DCDC1: variants seen among roughly 807,000 people sequenced by gnomAD.
DCDC1 encodes the protein doublecortin domain-containing protein 1.
In DCDC1, 200 loss-of-function variants were observed where a neutral mutation model predicts 178.3. The ratio of observed to expected loss-of-function variants is 1.12; its 90% CI spans 1.00 to 1.26. The LOEUF (loss-of-function observed/expected upper bound fraction) is 1.26, where lower values mean the gene tolerates loss of function less well. DCDC1 is among the 50% of genes most tolerant of loss of function. DCDC1 has a pLI of 0.00. For missense variants in DCDC1, 1,983 were observed against 1,749.2 expected (o/e 1.13, Z -2.38); for synonymous variants, 690 against 604.8 (o/e 1.14, Z -2.07).
At chr11:31,121,478 G>C (rs958554680) in intron 11 of DCDC1, among the ~76,000 whole-genome samples, 1 of 148,552 alleles carries the variant, frequency 6.7e-6, no homozygotes, top group African/African-American at 2.5e-5. Context: ...TTGCAAAAAT[G>C]GGAGTGAGGC....
chr11:31,176,268 T>C (rs1315812470), intron 9 of DCDC1, among the ~76,000 whole-genome samples: 1 of 152,092 alleles, frequency 6.6e-6, no homozygotes, highest in Non-Finnish European at 1.5e-5. Context: ...ATGATATAAT[T>C]GAGAGTTTCA....
chr11:30,900,217 C>A (rs1445228947), intron 33 of DCDC1, 129 bp downstream of exon 33: 5 of 881,462 alleles, frequency 5.7e-6, no homozygotes, highest in Non-Finnish European at 7.8e-6. Context: ...ACCTTCTGTT[C>A]TTTGTATAAA....
intron 8 of DCDC1, chr11:31,262,846 T>C: frequency 2.2e-6 from 1 of 450,784 alleles, no homozygotes; most frequent in South Asian, 6.2e-5. Context: ...CCAACAGGAT[T>C]AGCTTCTTTA....
At chr11:30,938,412 A>G (rs1034938010) in intron 21 of DCDC1, among the ~76,000 whole-genome samples, 1 of 152,130 alleles carries the variant, frequency 6.6e-6, no homozygotes, top group African/African-American at 2.4e-5. Context: ...CAGCTCTCAC[A>G]CACAGTTGTG....
At chr11:31,156,839 G>T (rs1290537930) in intron 9 of DCDC1, among the ~76,000 whole-genome samples, 1 of 152,186 alleles carries the variant, frequency 6.6e-6, no homozygotes, top group African/African-American at 2.4e-5. Context: ...GAACCAATGT[G>T]TTGCCAGATG....
intron 9 of DCDC1, chr11:31,155,833 T>C (rs1965668298): frequency 6.6e-6 from 1 of 152,184 alleles, no homozygotes; most frequent in South Asian, 2.1e-4. Flanking sequence ...GAGGAGACAT[T>C]AGAGTCACCT....
At chr11:31,240,523 A>C (rs1976986919) in intron 9 of DCDC1, among the ~76,000 whole-genome samples, 1 of 152,008 alleles carries the variant, frequency 6.6e-6, no homozygotes, top group Non-Finnish European at 1.5e-5. Context: ...TGTGAACACT[A>C]AGACTGATAG....
chr11:30,957,086 T>C (rs923301996), intron 20 of DCDC1, among the ~76,000 whole-genome samples: 1 of 152,174 alleles, frequency 6.6e-6, no homozygotes, highest in Non-Finnish European at 1.5e-5. Context: ...CCCTCCACTA[T>C]AGCGGAGCTG....
intron 9 of DCDC1, among the ~76,000 whole-genome samples, chr11:31,194,191 T>C (rs1258285555): frequency 6.6e-6 from 1 of 152,138 alleles, no homozygotes; most frequent in African/African-American, 2.4e-5. Flanking sequence ...AAGCCCTTGC[T>C]TCTGATTCAG....
chr11:31,290,914 A>T, intron 6 of DCDC1, 62 bp from the exon 7 acceptor site: 1 of 1,444,542 alleles, frequency 6.9e-7, no homozygotes. Context: ...TGGACACATC[A>T]TACTTCCCTC....
intron 9 of DCDC1, among the ~76,000 whole-genome samples, chr11:31,158,852 T>C (rs1384593353): frequency 4.6e-5 from 7 of 152,096 alleles, no homozygotes; most frequent in Non-Finnish European, 1.0e-4. Flanking sequence ...AATAAGCCCC[T>C]CCAAAGTGTC....
intron 21 of DCDC1, among the ~76,000 whole-genome samples, chr11:30,932,552 AC>A (rs1209847002): frequency 6.6e-6 from 1 of 152,202 alleles, no homozygotes; most frequent in Non-Finnish European, 1.5e-5. Context: ...GATATTATGC[AC>A]CAAAAATAAA....
intron 9 of DCDC1, among the ~76,000 whole-genome samples, chr11:31,154,690 G>T (rs1230546390): frequency 5.9e-5 from 9 of 152,142 alleles, no homozygotes. Flanking sequence ...GAAGTCTGGT[G>T]CAATATATAA....
chr11:31,167,243 C>A (rs1966844177), intron 9 of DCDC1, among the ~76,000 whole-genome samples: 1 of 152,142 alleles, frequency 6.6e-6, no homozygotes, highest in Non-Finnish European at 1.5e-5. Context: ...GCTCTTACAT[C>A]AATATGAGAT....
intron 1 of DCDC1, among the ~76,000 whole-genome samples, chr11:31,337,209 T>C (rs988106778): frequency 2.0e-5 from 3 of 152,206 alleles, no homozygotes; most frequent in Admixed American, 6.5e-5. Context: ...GCTTAAAATA[T>C]AAATTTAACT....
rs1016845293 is a variant in DCDC1, at chr11:31,358,582, A to T, written c.-125+11115T>A. Reference sequence around the variant, plus strand: ...GCAATGGCAACAAAAGCCAAAATTGACAAATGGGATCTCATTAAACTAAAG... The same window carrying T: ...GCAATGGCAACAAAAGCCAAAATTGTCAAATGGGATCTCATTAAACTAAAG... On this transcript the variant is annotated intron_variant, in intron 1 of 38. Transcript: ENST00000684477. Among the ~76,000 whole-genome samples the T allele has an allele frequency of 1.5e-4, 23 of 152,186 alleles. 1 individual carries two copies. Among genetic ancestry groups the T allele is most frequent in the Admixed American group, 5.9e-4 (9 of 15,292 alleles).
At chr11:30,919,659 T>C (rs552740451) in intron 25 of DCDC1, among the ~76,000 whole-genome samples, 4 of 152,310 alleles carry the variant, frequency 2.6e-5, no homozygotes, top group South Asian at 2.1e-4. Context: ...GGTGCCTTTG[T>C]TAGTGTCAGT....
chr11:31,121,487 G>A (rs551032431), intron 11 of DCDC1, among the ~76,000 whole-genome samples: 2 of 148,812 alleles, frequency 1.3e-5, no homozygotes, highest in African/African-American at 5.0e-5. Flanking sequence ...TGGGAGTGAG[G>A]CAATATGGAA....
At chr11:30,999,275 C>T (rs1951440268) in intron 20 of DCDC1, among the ~76,000 whole-genome samples, 1 of 152,114 alleles carries the variant, frequency 6.6e-6, no homozygotes. Context: ...ATTGTACCAA[C>T]TCTGATTTAT....
Sources: allele counts gnomAD v4.1 joint callset (sites outside exome capture counted in the v4.1 genomes callset), GRCh38; gene constraint gnomAD v4.1.1; transcripts MANE v1.5; gene names NCBI Gene and HGNC (gene_info 2026-07-23, HGNC 2026-07-21).